Variants in MMP26 observed in about 807,000 individuals in gnomAD.
MMP26 encodes matrix metalloproteinase-26.
In MMP26, 33 loss-of-function variants were observed where a neutral mutation model predicts 31.0. The ratio of observed to expected loss-of-function variants is 1.06; its 90% CI spans 0.81 to 1.42. The LOEUF (loss-of-function observed/expected upper bound fraction) is 1.42. MMP26 is among the 40% of genes most tolerant of loss of function. The probability of loss-of-function intolerance (pLI) is 0.00; values close to 1 mark genes in which losing one functional copy is unlikely to be tolerated. For missense variants in MMP26, 347 were observed against 316.1 expected, an observed-to-expected ratio of 1.10 and a Z score of -0.74; for synonymous variants, 122 against 114.9, an observed-to-expected ratio of 1.06 and a Z score of -0.40.
intron 1 of MMP26, among the ~76,000 whole-genome samples, chr11:4,706,403 TA>T (rs200194758): frequency 6.7e-6 from 1 of 149,080 alleles, no homozygotes; most frequent in Non-Finnish European, 1.5e-5. Flanking sequence ...CTACAAAAAA[TA>T]AAAAAAAATT....
intron 1 of MMP26, among the ~76,000 whole-genome samples, chr11:4,744,854 T>A (rs1848359522): frequency 6.6e-6 from 1 of 152,188 alleles, no homozygotes; most frequent in Admixed American, 6.5e-5. Flanking sequence ...ATTATCACAA[T>A]GAAGGTTATT....
rs1846705952 is a variant in MMP26 at position 4,974,264 on chromosome 11, T to C, written c.-144-13804T>C. On this transcript the variant is annotated intron_variant, in intron 2 of 7. Coordinates refer to ENST00000380390, the MANE Select transcript of MMP26 (RefSeq NM_021801.5). ...TTGCAATATATGTCCTGCTTATAAA[T>C]TTGTTTAAAATTTCTGTCATAAAAA... Among the ~76,000 whole-genome samples the C allele has an allele frequency of 2.0e-5, 3 of 151,924 alleles. No homozygotes were observed. In the South Asian group the frequency reaches 6.2e-4, roughly 32 times the overall value.
chr11:4,769,057 A>G, intron 2 of MMP26: 1 of 1,555,264 alleles, frequency 6.4e-7, no homozygotes, highest in Non-Finnish European at 8.7e-7. Context: ...GGTTGAGCAC[A>G]GGGGGTAAAA....
In MMP26 at chr11:4,923,411, T is replaced by G. The variant is rs771123878; in HGVS notation, c.-144-64657T>G. On this transcript the variant is annotated intron_variant, in intron 2 of 7. Transcript: ENST00000380390. Reference sequence around the variant, plus strand: ...AAAACACCTAAGTGACTTTATAAACTGAAACTTCTTAATGATGCGCTGGCG... The same window carrying G: ...AAAACACCTAAGTGACTTTATAAACGGAAACTTCTTAATGATGCGCTGGCG... 55 of 1,577,144 alleles carry G rather than the reference T, an allele frequency of 3.5e-5. No homozygotes were observed. Among genetic ancestry groups the G allele is most frequent in the African/African-American group, 5.4e-5 (4 of 73,774 alleles).
intron 2 of MMP26, among the ~76,000 whole-genome samples, chr11:4,981,735 A>G (rs971303200): frequency 2.0e-5 from 3 of 152,084 alleles, no homozygotes; most frequent in African/African-American, 7.2e-5. Context: ...AACAGCACTT[A>G]GCTTAAACAC....
chr11:4,818,482 GTC>G (rs1048768143), intron 2 of MMP26, among the ~76,000 whole-genome samples: 7 of 148,026 alleles, frequency 4.7e-5, no homozygotes, highest in African/African-American at 1.8e-4. Context: ...TTTCTTGACT[GTC>G]TTTGAAAAAA....
At chr11:4,795,126 A>G (rs747540889) in intron 2 of MMP26, 1 of 152,268 alleles carries the variant, frequency 6.6e-6, no homozygotes, top group East Asian at 1.9e-4. Flanking sequence ...CATCAAACTT[A>G]GAAGCATCAG....
chr11:4,921,876 G>T (rs945564174), intron 2 of MMP26, among the ~76,000 whole-genome samples: 2 of 152,080 alleles, frequency 1.3e-5, no homozygotes, highest in Admixed American at 1.3e-4. Flanking sequence ...ATTTTAAAGG[G>T]TACAAGTGCA....
At chr11:4,962,473 A>G (rs1846533629) in intron 2 of MMP26, among the ~76,000 whole-genome samples, 1 of 152,170 alleles carries the variant, frequency 6.6e-6, no homozygotes, top group African/African-American at 2.4e-5. Context: ...GTTAGGACAG[A>G]TGATAGAGGC....
At position 4,953,547 on chromosome 11, in the gene MMP26, G is replaced by A. The variant is rs74052682; in HGVS notation, c.-144-34521G>A. On this transcript the variant is annotated intron_variant, in intron 2 of 7. Transcript: ENST00000380390. Reference sequence around the variant, plus strand: ...GCTAGGTAATTTATGATGAAATTAAGCCAACATTTAAAGAAAAAAGAAAAG... The same window carrying A: ...GCTAGGTAATTTATGATGAAATTAAACCAACATTTAAAGAAAAAAGAAAAG... Among the ~76,000 whole-genome samples the A allele has an allele frequency of 1.8e-3, 224 of 124,852 alleles. 35 individuals are homozygous for A. The highest frequency in any genetic ancestry group is 5.5e-3 in the African/African-American group (201 of 36,814). The allele number at this position is 124,852 out of a possible 152,430, so 81.9% of individuals were successfully genotyped here.
chr11:4,977,036 A>G (rs1400697063), intron 2 of MMP26, among the ~76,000 whole-genome samples: 1 of 152,012 alleles, frequency 6.6e-6, no homozygotes, highest in Non-Finnish European at 1.5e-5. Context: ...AGGCCAGTCT[A>G]TATACCCTTT....
rs991719187 is a variant in MMP26 at position 4,890,002 on chromosome 11, A to G, written c.-144-98066A>G. ...GCTTCCTGACATCCTGATGGAGACA[A>G]TAGGAATGAGAGAGTAGGCTTTTCC... is the stretch of plus-strand genomic sequence containing the variant. On this transcript the variant is annotated intron_variant, in intron 2 of 7. Transcript: ENST00000380390. 4.3e-5 allele frequency: 7 copies of G among 164,102 alleles called. 1 individual carries two copies. The South Asian group carries it at 1.3e-3, about 30-fold the overall frequency. The allele number at this position is 164,102 out of a possible 1,614,324, so 10.2% of individuals were successfully genotyped here.
intron 1 of MMP26, among the ~76,000 whole-genome samples, chr11:4,759,589 A>T (rs905787501): frequency 2.6e-5 from 4 of 152,218 alleles, no homozygotes; most frequent in Admixed American, 2.6e-4. Flanking sequence ...ACAGATTAAA[A>T]TATTACATAT....
At chr11:4,853,274 T>C (rs985535903) in intron 2 of MMP26, among the ~76,000 whole-genome samples, 3 of 152,124 alleles carry the variant, frequency 2.0e-5, no homozygotes, top group African/African-American at 7.2e-5. Flanking sequence ...GTAATAAATA[T>C]GTTAATTGGC....
chr11:4,985,566 C>T (rs1044918736), intron 2 of MMP26, among the ~76,000 whole-genome samples: 6 of 152,118 alleles, frequency 3.9e-5, no homozygotes, highest in African/African-American at 1.2e-4. Context: ...ATATAGCACT[C>T]GCATTACAAT....
chr11:4,892,403 T>C (rs1224479597), intron 2 of MMP26, among the ~76,000 whole-genome samples: 1 of 152,168 alleles, frequency 6.6e-6, no homozygotes, highest in African/African-American at 2.4e-5. Context: ...GCAGAGTCCA[T>C]GTATCCCTAC....
intron 2 of MMP26, chr11:4,903,989 C>T (rs1311316506): frequency 6.6e-6 from 1 of 151,910 alleles, no homozygotes; most frequent in Non-Finnish European, 1.5e-5. Context: ...TTTCTAATGC[C>T]CTAATATCAG....
intron 2 of MMP26, among the ~76,000 whole-genome samples, chr11:4,853,737 C>T (rs189594181): frequency 1.5e-3 from 224 of 152,198 alleles, no homozygotes; most frequent in African/African-American, 5.3e-3. Flanking sequence ...ATAACTAATG[C>T]TTCTCATAAT....
intron 2 of MMP26, among the ~76,000 whole-genome samples, chr11:4,919,733 G>T (rs1181260454): frequency 1.3e-5 from 2 of 152,128 alleles, no homozygotes; most frequent in African/African-American, 4.8e-5. Flanking sequence ...TTTAAAAAGG[G>T]ATTTTTTTAA....
Sources: allele counts gnomAD v4.1 joint callset (sites outside exome capture counted in the v4.1 genomes callset), GRCh38; gene constraint gnomAD v4.1.1; transcripts MANE v1.5; gene names NCBI Gene and HGNC (gene_info 2026-07-23, HGNC 2026-07-21).